The following ULK4 variants were observed in gnomAD, a reference collection of about 807,000 sequenced individuals.
ULK4 encodes the protein unc-51 like kinase 4, also known as inactive serine/threonine-protein kinase ULK4.
ULK4 carries 133 observed loss-of-function variants against 160.6 expected under a neutral mutation model. The ratio of observed to expected loss-of-function variants is 0.83; its 90% CI spans 0.72 to 0.96. The LOEUF is 0.96. ULK4 is among the 40% of genes least tolerant of loss of function. ULK4 has a pLI of 0.00. For synonymous variants in ULK4, 534 were observed against 539.8 expected, an observed-to-expected ratio of 0.99 and a Z score of 0.15; for missense variants, 1,580 against 1,499.5, an observed-to-expected ratio of 1.05 and a Z score of -0.89.
In ULK4 at chr3:41,590,261, C is replaced by A. The variant is rs373085326; in HGVS notation, c.3121-24131G>T. ...TCATGATCCGCCTGCCTTGGCCTCC[C>A]AAAGTGCTGGGATTACAGGCATGAG... On this transcript the variant is annotated intron_variant, in intron 31 of 36. Coordinates refer to ENST00000301831, the MANE Select transcript of ULK4 (RefSeq NM_017886.4). 2.6e-3 allele frequency among the ~76,000 whole-genome samples: 395 copies of A among 151,658 alleles called. 1 individual carries two copies. The highest frequency in any genetic ancestry group is 8.6e-3 in the African/African-American group (358 of 41,426).
At chr3:41,835,734 AATTT>A (rs1212130311) in intron 18 of ULK4, 126 bp downstream of exon 18, 1 of 576,744 alleles carries the variant, frequency 1.7e-6, no homozygotes, top group East Asian at 2.9e-5. Context: ...CAAGAGGTAA[AATTT>A]ATCCTAAGTT....
At chr3:41,742,684 G>A (rs2038282255) in intron 22 of ULK4, among the ~76,000 whole-genome samples, 2 of 151,836 alleles carry the variant, frequency 1.3e-5, no homozygotes, top group African/African-American at 2.4e-5. Context: ...AGATTTCAAA[G>A]CAGCTATCAT....
At chr3:41,614,171 C>T (rs1282670802) in intron 31 of ULK4, among the ~76,000 whole-genome samples, 1 of 152,150 alleles carries the variant, frequency 6.6e-6, no homozygotes, top group Non-Finnish European at 1.5e-5. Context: ...CTGTCAGCCA[C>T]AAAAGGAGTT....
intron 17 of ULK4, among the ~76,000 whole-genome samples, chr3:41,873,882 T>G (rs2683694): frequency 0.39 from 56,455 of 145,728 alleles, 13,000 homozygotes; most frequent in African/African-American, 0.66. Context: ...GTTTTTTTTG[T>G]TTTTTTTTTT....
Position 41,475,137 on chromosome 3 carries a change from C to T in ULK4, c.3227-11884G>A, listed in dbSNP as rs189782458. Among the ~76,000 whole-genome samples the T allele has an allele frequency of 3.8e-3, 572 of 152,220 alleles. 6 individuals carry two copies. The highest frequency in any genetic ancestry group is 0.013 in the African/African-American group (535 of 41,542). ...GGATAAAGAAAATGTGGTACATACACGCAATGGAATTTTATTCAGCCTTAA... is the reference window on the plus strand; with the variant it reads ...GGATAAAGAAAATGTGGTACATACATGCAATGGAATTTTATTCAGCCTTAA... On this transcript the variant is annotated intron_variant, in intron 32 of 36. Coordinates refer to ENST00000301831, the MANE Select transcript of ULK4 (RefSeq NM_017886.4).
chr3:41,951,129 A>G (rs568216371), intron 2 of ULK4, among the ~76,000 whole-genome samples: 1 of 119,184 alleles, frequency 8.4e-6, no homozygotes, highest in African/African-American at 3.2e-5. Context: ...TGGAGGACAG[A>G]GCGAGGCTTC....
intron 17 of ULK4, among the ~76,000 whole-genome samples, chr3:41,860,589 C>G (rs1216213502): frequency 2.6e-5 from 4 of 152,084 alleles, no homozygotes; most frequent in Non-Finnish European, 5.9e-5. Flanking sequence ...TTTTCCATCC[C>G]TTTATTTTCA....
chr3:41,751,390 G>A (rs894536976), intron 22 of ULK4, among the ~76,000 whole-genome samples: 4 of 152,156 alleles, frequency 2.6e-5, no homozygotes, highest in Non-Finnish European at 5.9e-5. Context: ...GCTGAGCTTA[G>A]GAGGCCAAAG....
At chr3:41,256,186 G>A (rs2078831605) in intron 35 of ULK4, among the ~76,000 whole-genome samples, 2 of 152,178 alleles carry the variant, frequency 1.3e-5, no homozygotes, top group Non-Finnish European at 2.9e-5. Flanking sequence ...ATATAGAATA[G>A]CTGAGTCTAT....
At chr3:41,890,577 G>T (rs993334940) in intron 16 of ULK4, among the ~76,000 whole-genome samples, 2 of 151,448 alleles carry the variant, frequency 1.3e-5, no homozygotes. Context: ...CTACTCGGGA[G>T]GCTGAGGCAG....
At chr3:41,714,923 C>A (rs2037215828) in intron 25 of ULK4, among the ~76,000 whole-genome samples, 1 of 151,504 alleles carries the variant, frequency 6.6e-6, no homozygotes, top group South Asian at 2.1e-4. Flanking sequence ...ACTATATTCC[C>A]AGCATTCCAT....
At chr3:41,605,463 C>A (rs2032332778) in intron 31 of ULK4, among the ~76,000 whole-genome samples, 1 of 151,748 alleles carries the variant, frequency 6.6e-6, no homozygotes, top group Non-Finnish European at 1.5e-5. Flanking sequence ...ATATTAATAT[C>A]ACATAAAATA....
intron 31 of ULK4, among the ~76,000 whole-genome samples, chr3:41,567,088 T>C (rs2087807589): frequency 6.6e-6 from 1 of 152,304 alleles, no homozygotes; most frequent in South Asian, 2.1e-4. Flanking sequence ...AACAAGCATA[T>C]TAATTAGTAG....
intron 34 of ULK4, among the ~76,000 whole-genome samples, chr3:41,408,006 G>T (rs550219305): frequency 1.3e-5 from 2 of 151,948 alleles, no homozygotes; most frequent in Non-Finnish European, 2.9e-5. Flanking sequence ...GTATGAGATC[G>T]ATATACAAAA....
intron 21 of ULK4, among the ~76,000 whole-genome samples, chr3:41,763,086 G>A (rs757934509): frequency 1.3e-5 from 2 of 151,972 alleles, no homozygotes; most frequent in East Asian, 1.9e-4. Context: ...CCCTCCACAC[G>A]TGCGAATTAC....
At chr3:41,304,273 CAAAAAAA>C (rs368282598) in intron 35 of ULK4, among the ~76,000 whole-genome samples, 1 of 89,750 alleles carries the variant, frequency 1.1e-5, no homozygotes, top group African/African-American at 5.1e-5. Flanking sequence ...AGCTCCCCCT[CAAAAAAA>C]AAAAAAAAAA....
At chr3:41,915,303 G>C (rs907975512) in intron 8 of ULK4, 7 of 152,086 alleles carry the variant, frequency 4.6e-5, no homozygotes, top group African/African-American at 1.7e-4. Context: ...ATAAAAGAAT[G>C]GATTCTTGTA....
At chr3:41,429,412 G>T (rs2082851297) in intron 34 of ULK4, among the ~76,000 whole-genome samples, 1 of 152,064 alleles carries the variant, frequency 6.6e-6, no homozygotes, top group Non-Finnish European at 1.5e-5. Context: ...TATACTCAAA[G>T]GAATATAAAT....
chr3:41,391,485 A>C lies in ULK4; in HGVS notation c.3678+6594T>G, dbSNP rs77773597. Among the ~76,000 whole-genome samples, 1,010 of 151,924 alleles carry C rather than the reference A, an allele frequency of 6.6e-3. 3 individuals carry two copies. The highest frequency in any genetic ancestry group is 0.015 in the African/African-American group (622 of 41,442). ...ATAAGACAGGAGGGAGAGAGGTATA[A>C]TTTTACCTTTTTATTATACCTCAAG... is the stretch of plus-strand genomic sequence containing the variant. On this transcript the variant is annotated intron_variant, in intron 35 of 36. Transcript: ENST00000301831.
Sources: gnomAD v4.1 joint callset for allele counts (sites outside exome capture counted in the v4.1 genomes callset) on GRCh38, gnomAD v4.1.1 for gene constraint, MANE v1.5 for transcripts, NCBI Gene and HGNC (gene_info 2026-07-23, HGNC 2026-07-21) for gene names.